Variants in ADARB2 observed in about 807,000 individuals in gnomAD.
ADARB2 encodes the protein adenosine deaminase RNA specific B2 (inactive), also known as inactive double-stranded RNA-specific editase B2.
A neutral mutation model predicts 62.2 loss-of-function variants in ADARB2; 25 were observed. The ratio of observed to expected loss-of-function variants is 0.40; its 90% CI spans 0.29 to 0.56. The LOEUF is 0.56. Among genes scored for constraint, ADARB2 ranks in the 20% least tolerant of loss-of-function variants. The probability of loss-of-function intolerance (pLI) is 0.43; values close to 1 mark genes in which losing one functional copy is unlikely to be tolerated. For missense variants in ADARB2, 1,071 were observed against 1,077.4 expected, an observed-to-expected ratio of 0.99 and a Z score of 0.08; for synonymous variants, 572 against 500.8, an observed-to-expected ratio of 1.14 and a Z score of -1.90.
intron 1 of ADARB2, chr10:1,534,517 T>C (rs1832298418): frequency 6.6e-6 from 1 of 152,300 alleles, no homozygotes; most frequent in African/African-American, 2.4e-5. Context: ...TCCATTCCCA[T>C]CTGAGCAGTC....
chr10:1,337,893 GGCCCA>G (rs1321732491), intron 3 of ADARB2, among the ~76,000 whole-genome samples: 19 of 152,194 alleles, frequency 1.2e-4, no homozygotes, highest in African/African-American at 4.1e-4. Context: ...CCCAGGTCTT[GGCCCA>G]GCCCAGCCTT....
At chr10:1,422,402 C>T (rs930584914) in intron 1 of ADARB2, among the ~76,000 whole-genome samples, 7 of 152,284 alleles carry the variant, frequency 4.6e-5, no homozygotes, top group Middle Eastern at 3.4e-3. Context: ...GCCAGACCAG[C>T]GGCTCACGCT....
chr10:1,277,353 C>A (rs1043384718), intron 3 of ADARB2, among the ~76,000 whole-genome samples: 1 of 152,100 alleles, frequency 6.6e-6, no homozygotes, highest in African/African-American at 2.4e-5. Context: ...AATTGATAGA[C>A]CGCTAGCAAG....
chr10:1,425,647 C>T (rs759901917), intron 1 of ADARB2, among the ~76,000 whole-genome samples: 1 of 152,222 alleles, frequency 6.6e-6, no homozygotes, highest in Non-Finnish European at 1.5e-5. Flanking sequence ...CAGAACCTTC[C>T]ATCTACAGCC....
chr10:1,516,336 T>C (rs1832008611), intron 1 of ADARB2, among the ~76,000 whole-genome samples: 1 of 152,160 alleles, frequency 6.6e-6, no homozygotes, highest in South Asian at 2.1e-4. Flanking sequence ...CAACCATGGG[T>C]GCAACAGAGG....
rs1834857165 is a variant in ADARB2 at position 1,704,060 on chromosome 10, C to G, written c.100+32991G>C. Among the ~76,000 whole-genome samples, 1 of 152,014 alleles carries G rather than the reference C, an allele frequency of 6.6e-6. No individual in the cohort carries two copies. The highest frequency in any genetic ancestry group is 2.4e-5 in the African/African-American group (1 of 41,426). ...AGAGTTAGTATCTTAAAAGAACAAACACTATATCTAACTTCCTGTGGGTCA... is the reference window on the plus strand; with the variant it reads ...AGAGTTAGTATCTTAAAAGAACAAAGACTATATCTAACTTCCTGTGGGTCA... On this transcript the variant is annotated intron_variant, in intron 1 of 9. Transcript: ENST00000381312. This position sits in a 1 kb window ranked among gnomAD's most constrained non-coding sequence, Gnocchi z 5.6.
At chr10:1,433,311 C>G (rs7903222) in intron 1 of ADARB2, among the ~76,000 whole-genome samples, 13,879 of 152,124 alleles carry the variant, frequency 0.091, 748 homozygotes, top group East Asian at 0.19. Flanking sequence ...GCTGCACTGG[C>G]CAATGTCATT....
In ADARB2 at chr10:1,341,192, A is replaced by G. The variant is rs12245388; in HGVS notation, c.1077+21836T>C. Among the ~76,000 whole-genome samples the G allele has an allele frequency of 6.6e-3, 986 of 148,382 alleles. 4 individuals carry two copies. The highest frequency in any genetic ancestry group is 0.023 in the African/African-American group (920 of 39,984). On this transcript the variant is annotated intron_variant, in intron 3 of 9. Transcript: ENST00000381312. ...AGAGAACCATGTGCCCCACAGCGGC[A>G]ATAACCAGCATCCACCAGAGAACCA...
At chr10:1,436,626 G>A (rs1830837772) in intron 1 of ADARB2, among the ~76,000 whole-genome samples, 2 of 152,166 alleles carry the variant, frequency 1.3e-5, no homozygotes, top group South Asian at 4.1e-4. Context: ...TTAGGAAAGA[G>A]AACATTAAAA....
chr10:1,423,202 A>C (rs1250238130), intron 1 of ADARB2, among the ~76,000 whole-genome samples: 2 of 152,154 alleles, frequency 1.3e-5, no homozygotes, highest in African/African-American at 4.8e-5. Context: ...GCTAAGCTGG[A>C]GTCCTGGCCC....
At chr10:1,464,066 C>T (rs993688457) in intron 1 of ADARB2, among the ~76,000 whole-genome samples, 15 of 152,222 alleles carry the variant, frequency 9.9e-5, no homozygotes, top group African/African-American at 3.6e-4. Context: ...TGTGGAGGGG[C>T]CAGGACCGCC....
At chr10:1,183,586 G>T (rs1836709901) in intron 9 of ADARB2, among the ~76,000 whole-genome samples, 1 of 152,234 alleles carries the variant, frequency 6.6e-6, no homozygotes, top group African/African-American at 2.4e-5. Context: ...AATGATGAAT[G>T]AGCGGATAAA....
intron 1 of ADARB2, among the ~76,000 whole-genome samples, chr10:1,499,539 G>A (rs934210076): frequency 4.1e-5 from 6 of 147,244 alleles, no homozygotes; most frequent in Admixed American, 1.4e-4. Flanking sequence ...TTCATCACTC[G>A]CTCATGTCTC....
rs552167394 is a variant in ADARB2 at position 1,550,094 on chromosome 10, C to G, written c.101-170934G>C. Among the ~76,000 whole-genome samples the G allele has an allele frequency of 2.0e-5, 3 of 152,300 alleles. No homozygotes were observed. In the South Asian group the frequency reaches 6.2e-4, roughly 32 times the overall value. ...CCAGCAGGGCCAAAGAGATTTTTCC[C>G]TCTTTCCAATAAGCTCTGAGAAATG... On this transcript the variant is annotated intron_variant, in intron 1 of 9. Transcript: ENST00000381312.
chr10:1,396,022 C>T (rs1832609859), intron 1 of ADARB2, among the ~76,000 whole-genome samples: 2 of 152,238 alleles, frequency 1.3e-5, no homozygotes, highest in African/African-American at 4.8e-5. Context: ...TTCTTCAGCA[C>T]TGGTCCAAAT....
In ADARB2 at chr10:1,641,970, G is replaced by A. The variant is rs1588335250; in HGVS notation, c.100+95081C>T. Among the ~76,000 whole-genome samples the A allele has an allele frequency of 2.0e-5, 3 of 152,082 alleles. No homozygotes were observed. The East Asian group carries it at 5.8e-4, about 29-fold the overall frequency. The stretch of plus-strand genomic sequence containing the variant: ...GGAGGTTGAAGTGAGCCGAGATGGT[G>A]CCACTGCACTCCAGCCTGGGCTACA... On this transcript the variant is annotated intron_variant, in intron 1 of 9. Coordinates refer to ENST00000381312, the MANE Select transcript of ADARB2 (RefSeq NM_018702.4).
intron 1 of ADARB2, among the ~76,000 whole-genome samples, chr10:1,494,600 A>G (rs1831664924): frequency 6.6e-6 from 1 of 151,946 alleles, no homozygotes; most frequent in Non-Finnish European, 1.5e-5. Flanking sequence ...TCAACTGCTG[A>G]GTACCCTTTA....
At chr10:1,323,887 G>GA (rs1211240027) in intron 3 of ADARB2, among the ~76,000 whole-genome samples, 4 of 152,108 alleles carry the variant, frequency 2.6e-5, no homozygotes, top group Admixed American at 2.6e-4. Flanking sequence ...TCCATAAAAG[G>GA]AAAAATGGAA....
In ADARB2 at chr10:1,484,570, G is replaced by T. The variant is rs141642493; in HGVS notation, c.101-105410C>A. On this transcript the variant is annotated intron_variant, in intron 1 of 9. Transcript: ENST00000381312. ...TAAGCCATTCCTCTTATAGACCTGG[G>T]CAACCACATGGCGTTTATTCTCCAG... Among the ~76,000 whole-genome samples the T allele has an allele frequency of 1.3e-3, 192 of 152,332 alleles. 1 individual carries two copies. Among genetic ancestry groups the T allele is most frequent in the African/African-American group, 4.3e-3 (180 of 41,572 alleles).
Sources: allele counts gnomAD v4.1 joint callset (sites outside exome capture counted in the v4.1 genomes callset), GRCh38; gene constraint gnomAD v4.1.1; non-coding constraint Gnocchi (gnomAD v3.1); transcripts MANE v1.5; gene names NCBI Gene and HGNC (gene_info 2026-07-23, HGNC 2026-07-21).